AFG2A: variants seen among roughly 807,000 people sequenced by gnomAD.
AFG2A encodes AAA ATPase AFG2A, also known as ATPase family gene 2 protein homolog A.
chr4:123,227,633 A>C, the AFG2A span, among the ~76,000 whole-genome samples: 1 of 152,144 alleles, frequency 6.6e-6, no homozygotes, highest in Non-Finnish European at 1.5e-5. Flanking sequence ...ACTTCCAACT[A>C]TGTGGTCAAT....
the AFG2A span, chr4:123,314,728 G>A: frequency 7.3e-5 from 11 of 150,034 alleles, no homozygotes; most frequent in African/African-American, 2.7e-4. Flanking sequence ...TAGATCAGTA[G>A]GCTTGGGTTT....
the AFG2A span, among the ~76,000 whole-genome samples, chr4:123,279,112 G>A: frequency 6.6e-6 from 1 of 152,092 alleles, no homozygotes; most frequent in East Asian, 1.9e-4. Context: ...ATCTCTACTT[G>A]AAAAATGAAG....
At chr4:122,960,493 G>A in the AFG2A span, among the ~76,000 whole-genome samples, 1 of 152,164 alleles carries the variant, frequency 6.6e-6, no homozygotes, top group Admixed American at 6.5e-5. Flanking sequence ...TCTTCAAGAA[G>A]TGGACTTAGT....
the AFG2A span, among the ~76,000 whole-genome samples, chr4:123,165,867 A>T: frequency 1.3e-5 from 2 of 152,208 alleles, no homozygotes; most frequent in Admixed American, 6.5e-5. Context: ...ATTGGGGGGA[A>T]AATCAAATTT....
the AFG2A span, among the ~76,000 whole-genome samples, chr4:123,131,266 A>G: frequency 6.6e-6 from 1 of 151,962 alleles, no homozygotes; most frequent in Non-Finnish European, 1.5e-5. Context: ...TTTAAAATCA[A>G]CTCTTTACTT....
the AFG2A span, among the ~76,000 whole-genome samples, chr4:123,195,452 A>C: frequency 1.1e-5 from 1 of 94,230 alleles, no homozygotes; most frequent in Non-Finnish European, 3.0e-5. Flanking sequence ...GGTAAAAGGT[A>C]GTAGATGGGA....
chr4:122,948,433 C>CAG, the AFG2A span, among the ~76,000 whole-genome samples: 1 of 147,860 alleles, frequency 6.8e-6, no homozygotes, highest in Non-Finnish European at 1.5e-5. Context: ...CACACACACA[C>CAG]GGACATGTAA....
the AFG2A span, among the ~76,000 whole-genome samples, chr4:122,940,878 A>G: frequency 6.6e-6 from 1 of 151,236 alleles, no homozygotes. Context: ...AGCACCATTT[A>G]TTAAATAGGG....
At chr4:123,312,617 A>C in the AFG2A span, among the ~76,000 whole-genome samples, 1 of 152,216 alleles carries the variant, frequency 6.6e-6, no homozygotes, top group African/African-American at 2.4e-5. Context: ...TTTGCACCAG[A>C]ACATGTGATA....
At chr4:123,120,345 T>C in the AFG2A span, among the ~76,000 whole-genome samples, 1 of 152,152 alleles carries the variant, frequency 6.6e-6, no homozygotes, top group Non-Finnish European at 1.5e-5. Context: ...GAGAAACTCT[T>C]AGAAAAAGCA....
the AFG2A span, among the ~76,000 whole-genome samples, chr4:123,101,130 G>A: frequency 6.6e-6 from 1 of 151,852 alleles, no homozygotes; most frequent in East Asian, 1.9e-4. Flanking sequence ...AATTTATATA[G>A]CTTTCTTTTT....
the AFG2A span, among the ~76,000 whole-genome samples, chr4:123,257,154 A>C: frequency 6.6e-6 from 1 of 152,166 alleles, no homozygotes; most frequent in Non-Finnish European, 1.5e-5. Flanking sequence ...TTGGAACTGA[A>C]CTTAGTGTAT....
the AFG2A span, among the ~76,000 whole-genome samples, chr4:123,159,534 T>C: frequency 6.6e-6 from 1 of 152,216 alleles, no homozygotes; most frequent in Non-Finnish European, 1.5e-5. Context: ...TGAAGAAATA[T>C]GTTTCCTATA....
At chr4:122,959,545 G>A in the AFG2A span, among the ~76,000 whole-genome samples, 8 of 152,162 alleles carry the variant, frequency 5.3e-5, no homozygotes, top group African/African-American at 1.7e-4. Flanking sequence ...CTGGACTGCC[G>A]CATAGTGAAG....
chr4:123,269,108 A>G, the AFG2A span, among the ~76,000 whole-genome samples: 1 of 152,208 alleles, frequency 6.6e-6, no homozygotes, highest in South Asian at 2.1e-4. Flanking sequence ...GCTTTATTTT[A>G]GAATTCAGTG....
chr4:123,164,897 C>T, the AFG2A span, among the ~76,000 whole-genome samples: 13 of 151,948 alleles, frequency 8.6e-5, no homozygotes, highest in Admixed American at 2.6e-4. Context: ...TTAGTGATTC[C>T]GCTATTCTGA....
At chr4:122,944,326 TG>T in the AFG2A span, among the ~76,000 whole-genome samples, 1 of 151,962 alleles carries the variant, frequency 6.6e-6, no homozygotes, top group Non-Finnish European at 1.5e-5. Flanking sequence ...TTGGATGCTT[TG>T]TTTGTTTCTT....
the AFG2A span, among the ~76,000 whole-genome samples, chr4:123,275,401 G>C: frequency 2.0e-5 from 3 of 152,104 alleles, no homozygotes; most frequent in African/African-American, 7.2e-5. Context: ...TTTGGAGCAA[G>C]GAAAATGACC....
chr4:123,048,541 A>G, the AFG2A span, among the ~76,000 whole-genome samples: 1 of 152,084 alleles, frequency 6.6e-6, no homozygotes, highest in Non-Finnish European at 1.5e-5. Context: ...TGTTTTCATC[A>G]ATGTTTTATA....
Sources: gnomAD v4.1 joint callset for allele counts (sites outside exome capture counted in the v4.1 genomes callset) on GRCh38, gnomAD v4.1.1 for gene constraint, MANE v1.5 for transcripts, NCBI Gene and HGNC (gene_info 2026-07-23, HGNC 2026-07-21) for gene names.